Variants in PTPRG observed in about 807,000 individuals in gnomAD.
PTPRG encodes the protein protein tyrosine phosphatase receptor type G.
A neutral mutation model predicts 165.3 loss-of-function variants in PTPRG; 102 were observed. The ratio of observed to expected loss-of-function variants is 0.62; its 90% CI spans 0.53 to 0.73. PTPRG has a LOEUF of 0.73. Ranked by LOEUF, PTPRG falls within the 30% of genes least tolerant of loss-of-function variation. The probability of loss-of-function intolerance (pLI) is 0.00; values close to 1 mark genes in which losing one functional copy is unlikely to be tolerated. For missense variants in PTPRG, 1,866 were observed against 1,861.4 expected, an observed-to-expected ratio of 1.00 and a Z score of -0.05; for synonymous variants, 675 against 669.5, an observed-to-expected ratio of 1.01 and a Z score of -0.13.
intron 2 of PTPRG, among the ~76,000 whole-genome samples, chr3:61,785,539 C>T (rs1423431358): frequency 1.3e-5 from 2 of 152,126 alleles, no homozygotes; most frequent in Admixed American, 6.5e-5. Flanking sequence ...TGGGGTGTCA[C>T]ATTAGCTTTA....
chr3:62,010,165 C>G (rs75966033), intron 4 of PTPRG, among the ~76,000 whole-genome samples: 7,735 of 152,192 alleles, frequency 0.051, 269 homozygotes, highest in African/African-American at 0.1. Context: ...GCAGTCCTCC[C>G]TCTTCGCCCT....
intron 1 of PTPRG, among the ~76,000 whole-genome samples, chr3:61,726,916 G>A (rs1559576978): frequency 6.6e-6 from 1 of 152,068 alleles, no homozygotes. Context: ...CCATGGTGGC[G>A]GGCGTCTGTA....
In PTPRG at chr3:62,064,199, C is replaced by G. The variant is rs1174405165; in HGVS notation, c.520-13964C>G. ...TAAACAGTTGGGATAAACCACCTTT[C>G]TTGGCCCCAAATGAATACAAGTCTT... On this transcript the variant is annotated intron_variant, in intron 4 of 29. Transcript: ENST00000474889. Among the ~76,000 whole-genome samples, 4 of 152,090 alleles carry G rather than the reference C, an allele frequency of 2.6e-5. No individual in the cohort carries two copies. The East Asian group carries it at 5.8e-4, about 22-fold the overall frequency.
At chr3:62,017,889 G>A (rs2041591711) in intron 4 of PTPRG, among the ~76,000 whole-genome samples, 1 of 152,188 alleles carries the variant, frequency 6.6e-6, no homozygotes, top group Admixed American at 6.5e-5. Flanking sequence ...GTTAAAAGGT[G>A]TGCCTTTGGG....
At chr3:62,261,118 C>G (rs1008353744) in intron 16 of PTPRG, 1 of 152,002 alleles carries the variant, frequency 6.6e-6, no homozygotes, top group Non-Finnish European at 1.5e-5. Flanking sequence ...AAAAAAAAAT[C>G]AATAAACAAA....
intron 2 of PTPRG, among the ~76,000 whole-genome samples, chr3:61,804,246 T>G (rs1382053041): frequency 6.6e-6 from 1 of 152,202 alleles, no homozygotes; most frequent in Admixed American, 6.5e-5. Flanking sequence ...TGTTTAAGAT[T>G]GATGGATAAA....
chr3:61,600,244 C>G (rs931076298), intron 1 of PTPRG, among the ~76,000 whole-genome samples: 15 of 146,224 alleles, frequency 1.0e-4, no homozygotes, highest in Non-Finnish European at 2.1e-4. Context: ...TATAGACAAG[C>G]AGGCACACTT....
intron 1 of PTPRG, among the ~76,000 whole-genome samples, chr3:61,663,095 G>A (rs1702711423): frequency 6.6e-6 from 1 of 152,140 alleles, no homozygotes; most frequent in Non-Finnish European, 1.5e-5. Context: ...ACAAGCCTGG[G>A]CAACATGGCG....
At chr3:62,276,020 G>A (rs1702221937) in intron 24 of PTPRG, 54 bp downstream of exon 24, 1 of 1,349,350 alleles carries the variant, frequency 7.4e-7, no homozygotes, top group Non-Finnish European at 1.0e-6. Flanking sequence ...TGTATGTTAG[G>A]TACAGAGGCA....
chr3:61,803,275 T>G (rs555003098), intron 2 of PTPRG, among the ~76,000 whole-genome samples: 26 of 152,326 alleles, frequency 1.7e-4, no homozygotes, highest in African/African-American at 6.3e-4. Context: ...ATTCAACCCA[T>G]TATCTCTGCA....
chr3:61,959,018 C>A (rs2040094098), intron 2 of PTPRG, among the ~76,000 whole-genome samples: 1 of 152,210 alleles, frequency 6.6e-6, no homozygotes, highest in Non-Finnish European at 1.5e-5. Flanking sequence ...CACTCACTAT[C>A]TTTCTGTCTC....
intron 4 of PTPRG, among the ~76,000 whole-genome samples, chr3:62,045,836 C>G (rs1332743305): frequency 1.5e-4 from 23 of 152,202 alleles, no homozygotes; most frequent in Admixed American, 1.5e-3. Flanking sequence ...TGCATTAATT[C>G]ATAAACATAT....
rs755756265 is a variant in PTPRG at position 62,107,680 on chromosome 3, T to G, written c.616-24922T>G. Among the ~76,000 whole-genome samples, 4 of 152,200 alleles carry G rather than the reference T, an allele frequency of 2.6e-5. No homozygotes were observed. The East Asian group carries it at 7.7e-4, about 29-fold the overall frequency. ...TATTTTGGTGTCTGAATACTGATAT[T>G]CTCTTCTCAAACTGGAAAACTAACC... On this transcript the variant is annotated intron_variant, in intron 5 of 29. Coordinates refer to ENST00000474889, the MANE Select transcript of PTPRG (RefSeq NM_002841.4).
intron 2 of PTPRG, among the ~76,000 whole-genome samples, chr3:61,910,952 C>G (rs1485160416): frequency 6.6e-6 from 1 of 152,148 alleles, no homozygotes; most frequent in African/African-American, 2.4e-5. Flanking sequence ...ATGTTCTGGC[C>G]ACAGAAGACC....
rs200988219 is a variant in PTPRG at position 62,081,257 on chromosome 3, AAAACAAAC to A, written c.615+3031_615+3038del. ...GGGCGACAGAGTGAGACTCCGTCTCAAAACAAACAAACAAACAAACAAACAAACAAACA... is the reference window on the plus strand; with the variant it reads ...GGGCGACAGAGTGAGACTCCGTCTCAAAACAAACAAACAAACAAACAAACA... On this transcript the variant is annotated intron_variant, in intron 5 of 29. Transcript: ENST00000474889. 1.8e-3 allele frequency among the ~76,000 whole-genome samples: 178 copies of A among 98,624 alleles called. 6 individuals are homozygous for A. The highest frequency in any genetic ancestry group is 6.5e-3 in the African/African-American group (135 of 20,812). 64.7% of individuals were successfully genotyped at this position (98,624 alleles called of 152,430 possible).
In PTPRG at chr3:62,271,292, C is replaced by T; in HGVS notation, c.3010-91C>T. The T allele has an allele frequency of 9.2e-7, 1 of 1,091,566 alleles. No homozygotes were observed. Among genetic ancestry groups the T allele is most frequent in the Non-Finnish European group, 1.3e-6 (1 of 758,250 alleles). 67.6% of individuals were successfully genotyped at this position (1,091,566 alleles called of 1,614,324 possible). A position where few individuals can be genotyped will look rare whatever the true frequency, so the allele number is the denominator to read the frequency against. Reference sequence around the variant, plus strand: ...GAACAGTGATTAGGGTGAATGTGATCAGTGGTCATGTGTCCTGACACCCTT... The same window carrying T: ...GAACAGTGATTAGGGTGAATGTGATTAGTGGTCATGTGTCCTGACACCCTT... On this transcript the variant is annotated intron_variant, in intron 20 of 29. Transcript: ENST00000474889. The surrounding 1 kb of genome is among the most constrained non-coding windows in gnomAD (Gnocchi z 4.1).
chr3:62,121,001 G>A (rs1231890200), intron 5 of PTPRG, among the ~76,000 whole-genome samples: 1 of 151,890 alleles, frequency 6.6e-6, no homozygotes, highest in Non-Finnish European at 1.5e-5. Context: ...CTGGAGTGCA[G>A]TGGCCCTATC....
At chr3:61,713,638 T>C (rs926721987) in intron 1 of PTPRG, among the ~76,000 whole-genome samples, 3 of 152,192 alleles carry the variant, frequency 2.0e-5, no homozygotes, top group Non-Finnish European at 4.4e-5. Context: ...TAATATAATA[T>C]GATTTTTCTA....
chr3:61,717,276 A>G (rs1218898716), intron 1 of PTPRG, among the ~76,000 whole-genome samples: 1 of 152,170 alleles, frequency 6.6e-6, no homozygotes, highest in Non-Finnish European at 1.5e-5. Context: ...CCTATATGCA[A>G]TGCATCATCC....
Sources: allele counts gnomAD v4.1 joint callset (sites outside exome capture counted in the v4.1 genomes callset), GRCh38; gene constraint gnomAD v4.1.1; non-coding constraint Gnocchi (gnomAD v3.1); transcripts MANE v1.5; gene names NCBI Gene and HGNC (gene_info 2026-07-23, HGNC 2026-07-21).